CMIP: variants seen among roughly 807,000 people sequenced by gnomAD.
CMIP encodes the protein c-Maf inducing protein.
Under a neutral mutation model 97.3 loss-of-function variants are expected in CMIP, and 13 were observed. That is an observed-to-expected ratio of 0.13 (90% CI 0.09 to 0.21). The LOEUF is 0.21. Among genes scored for constraint, CMIP ranks in the 10% least tolerant of loss-of-function variants. CMIP has a pLI of 1.00. For missense variants in CMIP, 847 were observed against 1,024.9 expected (o/e 0.83, Z 2.37); for synonymous variants, 538 against 436.3 (o/e 1.23, Z -2.91).
rs763375459 is a variant in CMIP, at chr16:81,701,722, C to G, written c.1818C>G (p.Ile606Met). The G allele has an allele frequency of 3.7e-6, 6 of 1,613,830 alleles. No individual in the cohort carries two copies. Among genetic ancestry groups the G allele is most frequent in the Admixed American group, 1.7e-5 (1 of 60,012 alleles). Residue 606 changes from isoleucine (I) to methionine (M), a missense_variant, in exon 16 of 21, where the codon ATC becomes ATG. Physicochemically the swap from Ile to Met is conservative, Grantham distance 10. Around this residue, in one of 4 missense-constraint regions of CMIP, gnomAD observed 266 missense variants for 384.2 expected, o/e 0.69. Transcript: ENST00000537098. ...ACAACGACACCCAACTGCAGATCATCTCAACCCTGGAGAGCACAGACGTGG... is the reference window on the plus strand; with the variant it reads ...ACAACGACACCCAACTGCAGATCATGTCAACCCTGGAGAGCACAGACGTGG... Reference protein sequence around the residue: ...IDNNDTQLQIISTLESTDVGK... With the variant: ...IDNNDTQLQIMSTLESTDVGK...
At chr16:81,699,901 G>A (rs1907200422) in intron 15 of CMIP, 100 bp downstream of exon 15, 9 of 755,934 alleles carry the variant, frequency 1.2e-5, no homozygotes, top group South Asian at 4.9e-5. Flanking sequence ...CTGCAGGCAC[G>A]GGGGGCAGTG....
At chr16:81,480,407 A>C (rs1908186322) in intron 1 of CMIP, among the ~76,000 whole-genome samples, 1 of 152,182 alleles carries the variant, frequency 6.6e-6, no homozygotes, top group Non-Finnish European at 1.5e-5. Flanking sequence ...AGGCGTGGTG[A>C]CACACACCTG....
At chr16:81,702,777 C>A in intron 17 of CMIP, 108 bp downstream of exon 17, 2 of 982,970 alleles carry the variant, frequency 2.0e-6, no homozygotes, top group Non-Finnish European at 3.2e-6. Context: ...TGATGGAGGG[C>A]GGGGCACAAG....
At chr16:81,525,127 T>C (rs1286398497) in intron 1 of CMIP, among the ~76,000 whole-genome samples, 2 of 151,474 alleles carry the variant, frequency 1.3e-5, no homozygotes, top group Admixed American at 6.6e-5. Flanking sequence ...TATTCATTTA[T>C]TTTTTATTTT....
chr16:81,545,089 A>G (rs762039744), intron 1 of CMIP, among the ~76,000 whole-genome samples: 2 of 152,084 alleles, frequency 1.3e-5, no homozygotes, highest in African/African-American at 4.8e-5. Context: ...CTAGACTCCT[A>G]GAAGATGCCA....
intron 2 of CMIP, among the ~76,000 whole-genome samples, chr16:81,615,367 TA>T (rs2091899972): frequency 6.7e-6 from 1 of 149,670 alleles, no homozygotes; most frequent in East Asian, 2.0e-4. Context: ...TGTGCATGTG[TA>T]ACTGTATGGT....
At position 81,710,759 on chromosome 16, in the gene CMIP, C is replaced by T. The variant is rs932839054; in HGVS notation, c.*960C>T. ...CCACTAAGGCCCAAGCTCTTTCTCT[C>T]GGCACCTTTTAGACTTGAATGGGAG... On this transcript the variant is annotated 3_prime_UTR_variant, in exon 21 of 21. Coordinates refer to ENST00000537098, the MANE Select transcript of CMIP (RefSeq NM_198390.3). 3.3e-5 allele frequency: 5 copies of T among 152,016 alleles called. No individual in the cohort carries two copies. The highest frequency in any genetic ancestry group is 7.3e-5 in the African/African-American group (3 of 41,344). 9.4% of individuals were successfully genotyped at this position (152,016 alleles called of 1,614,324 possible). A position where few individuals can be genotyped will look rare whatever the true frequency, so the allele number is the denominator to read the frequency against.
chr16:81,656,964 G>T (rs2092489922), intron 4 of CMIP, among the ~76,000 whole-genome samples: 1 of 151,896 alleles, frequency 6.6e-6, no homozygotes, highest in Non-Finnish European at 1.5e-5. Context: ...GACACTCAAA[G>T]GAAACGTTCA....
intron 1 of CMIP, among the ~76,000 whole-genome samples, chr16:81,516,765 C>A (rs138085615): frequency 2.6e-5 from 4 of 152,208 alleles, no homozygotes; most frequent in Non-Finnish European, 4.4e-5. Context: ...CAATAGATAT[C>A]GAAGCATCTA....
At position 81,621,077 on chromosome 16, in the gene CMIP, T is replaced by A. The variant is rs906340196; in HGVS notation, c.477+151T>A. The A allele has an allele frequency of 4.3e-5, 35 of 816,730 alleles. No individual in the cohort carries two copies. Among genetic ancestry groups the A allele is most frequent in the Admixed American group, 1.7e-4 (7 of 40,862 alleles). 50.6% of individuals were successfully genotyped at this position (816,730 alleles called of 1,614,324 possible). A position where few individuals can be genotyped will look rare whatever the true frequency, so the allele number is the denominator to read the frequency against. ...CTTTGTTCCCCTACCTAAGAGCCCC[T>A]GGCCCTTCGTCCTCTGCTGTTCAAT... On this transcript the variant is annotated intron_variant, in intron 3 of 20. Transcript: ENST00000537098. This position sits in a 1 kb window ranked among gnomAD's most constrained non-coding sequence, Gnocchi z 4.1.
At position 81,655,941 on chromosome 16, in the gene CMIP, G is replaced by A. The variant is rs1023338713; in HGVS notation, c.640-1834G>A. Reference sequence around the variant, plus strand: ...TCTTACACAGTGCCTGAGGCATAGAGAGCTCAGCAGTCATAAGGAGAGACC... The same window carrying A: ...TCTTACACAGTGCCTGAGGCATAGAAAGCTCAGCAGTCATAAGGAGAGACC... On this transcript the variant is annotated intron_variant, in intron 4 of 20. Coordinates refer to ENST00000537098, the MANE Select transcript of CMIP (RefSeq NM_198390.3). This position sits in a 1 kb window ranked among gnomAD's most constrained non-coding sequence, Gnocchi z 4.9. Among the ~76,000 whole-genome samples the A allele has an allele frequency of 1.3e-5, 2 of 152,154 alleles. No homozygotes were observed. The highest frequency in any genetic ancestry group is 2.9e-5 in the Non-Finnish European group (2 of 68,028).
At chr16:81,706,609 G>A (rs1196547333) in intron 19 of CMIP, among the ~76,000 whole-genome samples, 2 of 152,248 alleles carry the variant, frequency 1.3e-5, no homozygotes, top group African/African-American at 4.8e-5. Flanking sequence ...ACAAACCAGA[G>A]GTTGAGGCTT....
intron 4 of CMIP, among the ~76,000 whole-genome samples, chr16:81,654,806 G>C (rs1224284766): frequency 6.6e-6 from 1 of 152,230 alleles, no homozygotes; most frequent in African/African-American, 2.4e-5. Flanking sequence ...CAGTGATGAA[G>C]CTTATGCCCC....
intron 1 of CMIP, among the ~76,000 whole-genome samples, chr16:81,598,742 G>A (rs888637195): frequency 1.3e-5 from 2 of 152,106 alleles, no homozygotes; most frequent in South Asian, 2.1e-4. Flanking sequence ...TGATGCATGC[G>A]GATCACCTGA....
chr16:81,672,966 T>C (rs923999313), intron 9 of CMIP, among the ~76,000 whole-genome samples: 2 of 152,172 alleles, frequency 1.3e-5, no homozygotes, highest in African/African-American at 4.8e-5. Context: ...GGGCTTCCAT[T>C]CTACCAGGAA....
chr16:81,693,297 T>G, intron 12 of CMIP, 113 bp downstream of exon 12: 1 of 1,398,344 alleles, frequency 7.2e-7, no homozygotes, highest in Non-Finnish European at 1.0e-6. Context: ...CTCTTGGCAG[T>G]TCTCTTGAGA....
intron 1 of CMIP, among the ~76,000 whole-genome samples, chr16:81,549,854 G>A (rs937200662): frequency 6.6e-6 from 1 of 152,178 alleles, no homozygotes; most frequent in Admixed American, 6.5e-5. Flanking sequence ...ATGCGCGCGT[G>A]CATATGCCAG....
At chr16:81,572,230 C>T (rs2091104975) in intron 1 of CMIP, among the ~76,000 whole-genome samples, 1 of 152,262 alleles carries the variant, frequency 6.6e-6, no homozygotes, top group South Asian at 2.1e-4. Flanking sequence ...CTGCCTCAGA[C>T]TCCATTTCTC....
At chr16:81,459,819 G>A (rs1355779471) in intron 1 of CMIP, among the ~76,000 whole-genome samples, 1 of 152,200 alleles carries the variant, frequency 6.6e-6, no homozygotes, top group Non-Finnish European at 1.5e-5. Flanking sequence ...ACCAAGCCCA[G>A]GAGGCTGCTG....
Sources: gnomAD v4.1 joint callset for allele counts (sites outside exome capture counted in the v4.1 genomes callset) on GRCh38, gnomAD v4.1.1 for gene constraint, gnomAD v4.1.1 regional missense constraint, Gnocchi (gnomAD v3.1) non-coding constraint, MANE v1.5 for transcripts, NCBI Gene and HGNC (gene_info 2026-07-23, HGNC 2026-07-21) for gene names.